LATS2: variants seen among roughly 807,000 people sequenced by gnomAD.
LATS2 encodes large tumor suppressor kinase 2, also known as serine/threonine-protein kinase LATS2.
A neutral mutation model predicts 76.0 loss-of-function variants in LATS2; 24 were observed. The observed-to-expected ratio is 0.32, with a 90% confidence interval of 0.23 to 0.44. The LOEUF is 0.44. Among genes scored for constraint, LATS2 ranks in the 20% least tolerant of loss-of-function variants. The pLI, the probability that LATS2 is intolerant of heterozygous loss-of-function variation, is 1.00. For synonymous variants in LATS2, 692 were observed against 635.4 expected, an observed-to-expected ratio of 1.09 and a Z score of -1.34; for missense variants, 1,286 against 1,481.2, an observed-to-expected ratio of 0.87 and a Z score of 2.16.
chr13:21,024,086 C>G (rs902691369), intron 2 of LATS2, among the ~76,000 whole-genome samples: 1 of 123,992 alleles, frequency 8.1e-6, no homozygotes, highest in East Asian at 2.3e-4. Flanking sequence ...TAAAGTGTCT[C>G]GCTGTGCAAA....
chr13:21,026,752 T>C (rs560437020), intron 2 of LATS2, among the ~76,000 whole-genome samples: 2 of 152,344 alleles, frequency 1.3e-5, no homozygotes, highest in Admixed American at 6.5e-5. Flanking sequence ...GCCCAGGAGA[T>C]GGAGACCAGC....
chr13:21,040,878 T>C (rs1872854695), intron 2 of LATS2, among the ~76,000 whole-genome samples: 1 of 152,082 alleles, frequency 6.6e-6, no homozygotes, highest in Admixed American at 6.6e-5. Context: ...AAAGAATTCT[T>C]ATCTGAGGAA....
chr13:21,010,070 T>A (rs1175651462), intron 2 of LATS2, among the ~76,000 whole-genome samples: 1 of 152,018 alleles, frequency 6.6e-6, no homozygotes, highest in East Asian at 1.9e-4. Flanking sequence ...CATGGTGGTG[T>A]GTGCCTGAAA....
chr13:21,030,601 A>AG (rs1872490907), intron 2 of LATS2, among the ~76,000 whole-genome samples: 1 of 73,564 alleles, frequency 1.4e-5, no homozygotes, highest in African/African-American at 4.3e-5. Context: ...CAAAAAAAAA[A>AG]AAAAAAAAAA....
chr13:20,999,445 A>G (rs187378669), intron 2 of LATS2, among the ~76,000 whole-genome samples: 7 of 152,204 alleles, frequency 4.6e-5, no homozygotes, highest in African/African-American at 4.8e-5. Flanking sequence ...TCCAATTTTC[A>G]TATCTGCTGC....
intron 2 of LATS2, among the ~76,000 whole-genome samples, chr13:21,030,317 T>C (rs9506596): frequency 0.78 from 118,477 of 151,614 alleles, 46,423 homozygotes; most frequent in East Asian, 0.89. Flanking sequence ...TGGCCGGGCG[T>C]GGTGGCTCAC....
intron 2 of LATS2, among the ~76,000 whole-genome samples, chr13:21,040,376 C>CAAAAAAAAAAAA (rs141897751): frequency 4.2e-4 from 46 of 108,730 alleles, no homozygotes; most frequent in African/African-American, 1.7e-3. Context: ...GACCTTGTCT[C>CAAAAAAAAAAAA]AAAAAAAAAA....
At position 20,983,599 on chromosome 13, in the gene LATS2, C is replaced by A. The variant is rs1054938028; in HGVS notation, c.2107G>T (p.Asp703Tyr). Residue 703 changes from aspartate (D) to tyrosine (Y), a missense_variant, in exon 5 of 8, where the codon GAT becomes TAT. Coordinates refer to ENST00000382592, the MANE Select transcript of LATS2 (RefSeq NM_014572.3). ...GCCACCTGATTCCGGTTCAGGACAT[C>A]CTTTTTCCTTAGGGTCTTCATGGCG... ...LYAMKTLRKK[D>Y]VLNRNQVAHV... The A allele has an allele frequency of 6.2e-7, 1 of 1,613,982 alleles. No individual in the cohort carries two copies. Among genetic ancestry groups the A allele is most frequent in the African/African-American group, 1.3e-5 (1 of 74,898 alleles).
In LATS2 at chr13:21,012,622, C is replaced by A. The variant is rs540113351; in HGVS notation, c.343-21218G>T. Reference sequence around the variant, plus strand: ...TGTTCCTATCTTATGATTCTTTTCTCCTAGAAAATGCTATTCATGGCTTTG... The same window carrying A: ...TGTTCCTATCTTATGATTCTTTTCTACTAGAAAATGCTATTCATGGCTTTG... On this transcript the variant is annotated intron_variant, in intron 2 of 7. Coordinates refer to ENST00000382592, the MANE Select transcript of LATS2 (RefSeq NM_014572.3). Among the ~76,000 whole-genome samples the A allele has an allele frequency of 5.5e-4, 84 of 152,254 alleles. 1 individual carries two copies. Among genetic ancestry groups the A allele is most frequent in the Admixed American group, 3.9e-4 (6 of 15,288 alleles).
chr13:20,977,766 A>ACCAT (rs1555223301), intron 7 of LATS2, among the ~76,000 whole-genome samples: 59 of 151,738 alleles, frequency 3.9e-4, no homozygotes, highest in East Asian at 1.6e-3. Context: ...ATTTTATGTT[A>ACCAT]TGTATATTTT....
At position 20,993,771 on chromosome 13, in the gene LATS2, G is replaced by A. The variant is rs149889017; in HGVS notation, c.343-2367C>T. Among the ~76,000 whole-genome samples the A allele has an allele frequency of 3.0e-4, 46 of 152,202 alleles. No individual in the cohort carries two copies. In the East Asian group the frequency reaches 5.6e-3, roughly 19 times the overall value. ...TAAGACTCCCACCACCGCCTACTTC[G>A]GGAGCTATGCGATGAGATCACGTCT... On this transcript the variant is annotated intron_variant, in intron 2 of 7. Coordinates refer to ENST00000382592, the MANE Select transcript of LATS2 (RefSeq NM_014572.3).
chr13:21,007,529 T>G, intron 2 of LATS2, among the ~76,000 whole-genome samples: 2 of 34,696 alleles, frequency 5.8e-5, no homozygotes, highest in African/African-American at 4.0e-4. Flanking sequence ...TCGTAGGGGA[T>G]GGATATATAT....
rs564281732 is a variant in LATS2, at chr13:21,023,154, G to A, written c.342+22531C>T. The A allele has an allele frequency of 5.9e-5, 5 of 84,848 alleles. No homozygotes were observed. In the East Asian group the frequency reaches 1.2e-3, roughly 21 times the overall value. 5.3% of individuals were successfully genotyped at this position (84,848 alleles called of 1,614,324 possible). On this transcript the variant is annotated intron_variant, in intron 2 of 7. Coordinates refer to ENST00000382592, the MANE Select transcript of LATS2 (RefSeq NM_014572.3). ...TCCATAGCGCTGCATCGAGGGCTCC[G>A]GGCTCCGAGGGCTCCGAAGGCCGGG...
At chr13:21,013,597 TG>T (rs1420387471) in intron 2 of LATS2, among the ~76,000 whole-genome samples, 1 of 152,204 alleles carries the variant, frequency 6.6e-6, no homozygotes, top group African/African-American at 2.4e-5. Context: ...CCGTTTATGT[TG>T]GAACGTTCTC....
chr13:21,002,134 C>T (rs1019723937), intron 2 of LATS2, among the ~76,000 whole-genome samples: 22 of 151,634 alleles, frequency 1.5e-4, no homozygotes, highest in Non-Finnish European at 1.0e-4. Context: ...AAGATGGTCT[C>T]GATCTCCTGA....
rs1216948921 is a variant in LATS2 at position 20,988,726 on chromosome 13, G to A, written c.1054C>T (p.Arg352Trp). 6 of 1,566,092 alleles carry A rather than the reference G, an allele frequency of 3.8e-6. No individual in the cohort carries two copies. The highest frequency in any genetic ancestry group is 1.4e-5 in the African/African-American group (1 of 73,958). Residue 352 changes from arginine (R) to tryptophan (W), a missense_variant, in exon 4 of 8, where the codon CGG (arginine) becomes TGG (tryptophan). This residue lies in a region of LATS2 where 710 missense variants were observed against 660.9 expected (regional missense o/e 1.07). Coordinates refer to ENST00000382592, the MANE Select transcript of LATS2 (RefSeq NM_014572.3). The part of the protein sequence containing the change: ...SPPQSLLTPS[R>W]NSLNVDLYEL... The stretch of plus-strand genomic sequence containing the variant: ...TACAGGTCCACGTTGAGGCTGTTCC[G>A]CGAGGGAGTGAGCAGGCTCTGCGGG...
chr13:21,007,651 G>A (rs55978066), intron 2 of LATS2, among the ~76,000 whole-genome samples: 2,534 of 6,076 alleles, frequency 0.42, 1,196 homozygotes, highest in Non-Finnish European at 0.47. Context: ...TATAGTGTGT[G>A]TATATATATA....
intron 5 of LATS2, among the ~76,000 whole-genome samples, chr13:20,982,012 CAT>C (rs1176845045): frequency 3.3e-5 from 5 of 152,272 alleles, no homozygotes; most frequent in East Asian, 1.9e-4. Flanking sequence ...CTGCCTGACA[CAT>C]GTTTTAAGAT....
At chr13:20,975,781 T>TCTCCCTC (rs1869594126) in intron 7 of LATS2, among the ~76,000 whole-genome samples, 1 of 152,108 alleles carries the variant, frequency 6.6e-6, no homozygotes, top group African/African-American at 2.4e-5. Flanking sequence ...CCTCCTGGGT[T>TCTCCCTC]CAAGCGATTC....
Sources: allele counts gnomAD v4.1 joint callset (sites outside exome capture counted in the v4.1 genomes callset), GRCh38; gene constraint gnomAD v4.1.1; regional missense constraint gnomAD v4.1.1; transcripts MANE v1.5; gene names NCBI Gene and HGNC (gene_info 2026-07-23, HGNC 2026-07-21).